Variants in HTRA3 observed in about 807,000 individuals in gnomAD.
The protein encoded by HTRA3 is serine protease HTRA3.
A neutral mutation model predicts 43.2 loss-of-function variants in HTRA3; 41 were observed. The ratio of observed to expected loss-of-function variants is 0.95; its 90% CI spans 0.74 to 1.23. The LOEUF (loss-of-function observed/expected upper bound fraction) is 1.23, where lower values mean the gene tolerates loss of function less well. Among genes scored for constraint, HTRA3 ranks in the 50% most tolerant of loss-of-function variants. The probability of loss-of-function intolerance (pLI) is 0.00; values close to 1 mark genes in which losing one functional copy is unlikely to be tolerated. For synonymous variants in HTRA3, 295 were observed against 287.9 expected, an observed-to-expected ratio of 1.02 and a Z score of -0.25; for missense variants, 628 against 647.1, an observed-to-expected ratio of 0.97 and a Z score of 0.32.
chr4:8,286,622 G>T lies in HTRA3; in HGVS notation c.547G>T (p.Ala183Ser). Residue 183 changes from alanine (A) to serine (S), a missense_variant, in exon 3 of 9, where the codon GCC (alanine) becomes TCC (serine). By Grantham distance (99) the Ala-to-Ser change is moderately conservative (BLOSUM62 1). Transcript: ENST00000307358. This position sits in a 1 kb window ranked among gnomAD's most constrained non-coding sequence, Gnocchi z 4.9. The part of the protein sequence containing the change: ...SSGSGFIMSE[A>S]GLIITNAHVV... The stretch of plus-strand genomic sequence containing the variant: ...CGGTTCTGGCTTCATCATGTCAGAG[G>T]CCGGCCTGATCATCACCAATGCCCA... 1 of 1,614,202 alleles carries T rather than the reference G, an allele frequency of 6.2e-7. No homozygotes were observed. Among genetic ancestry groups the T allele is most frequent in the South Asian group, 1.1e-5 (1 of 91,084 alleles).
chr4:8,304,281 T>G lies in HTRA3; in HGVS notation c.1196+2T>G. On this transcript the variant is annotated splice_donor_variant, in intron 8 of 8. Coordinates refer to ENST00000307358, the MANE Select transcript of HTRA3 (RefSeq NM_053044.5). LOFTEE classifies it high-confidence loss of function. ...TGCGCCGAATTCACCTTCTCAGAGG[T>G]AGGCTCTGCCAGAGGAGATCGCTCG... is the stretch of plus-strand genomic sequence containing the variant. 1 of 1,613,096 alleles carries G rather than the reference T, an allele frequency of 6.2e-7. No homozygotes were observed. Among genetic ancestry groups the G allele is most frequent in the Non-Finnish European group, 8.5e-7 (1 of 1,179,118 alleles).
In HTRA3 at chr4:8,280,397, A is replaced by C. The variant is rs188505642; in HGVS notation, c.386-2040A>C. On this transcript the variant is annotated intron_variant, in intron 1 of 8. Coordinates refer to ENST00000307358, the MANE Select transcript of HTRA3 (RefSeq NM_053044.5). ...CTGAGCGCATCTTGTGAGAGCTCTG[A>C]ACCAGCTCCAAACCTCACCAGGGAA... is the stretch of plus-strand genomic sequence containing the variant. Among the ~76,000 whole-genome samples the C allele has an allele frequency of 2.7e-3, 405 of 152,268 alleles. 2 individuals are homozygous for C. The highest frequency in any genetic ancestry group is 9.4e-3 in the African/African-American group (390 of 41,558).
In HTRA3 at chr4:8,282,427, G is replaced by C; in HGVS notation, c.386-10G>C. The C allele has an allele frequency of 6.2e-7, 1 of 1,608,726 alleles. No homozygotes were observed. The highest frequency in any genetic ancestry group is 8.5e-7 in the Non-Finnish European group (1 of 1,177,030). ...CTCACTGATGCACCTGGCCCTTCCC[G>C]CCAGCGCAGGTCTCCACCAGCTGAG... On this transcript the variant is annotated splice_polypyrimidine_tract_variant and intron_variant, in intron 1 of 8. Transcript: ENST00000307358.
intron 6 of HTRA3, among the ~76,000 whole-genome samples, 177 bp from the exon 7 acceptor site, chr4:8,302,286 G>A (rs1713680790): frequency 6.6e-6 from 1 of 152,132 alleles, no homozygotes; most frequent in Non-Finnish European, 1.5e-5. Context: ...GCTCCATGAT[G>A]ATGGTCAGGA....
At chr4:8,285,517 C>G (rs1712921209) in intron 2 of HTRA3, among the ~76,000 whole-genome samples, 1 of 152,350 alleles carries the variant, frequency 6.6e-6, no homozygotes, top group East Asian at 1.9e-4. Context: ...CATACTTTGT[C>G]CCTCGCACAT....
At chr4:8,283,895 C>T (rs1294751904) in intron 2 of HTRA3, among the ~76,000 whole-genome samples, 3 of 152,164 alleles carry the variant, frequency 2.0e-5, no homozygotes, top group Non-Finnish European at 2.9e-5. Flanking sequence ...GCTCCAGCAC[C>T]GCCTCCCTGC....
chr4:8,277,911 A>G (rs1322257344), intron 1 of HTRA3, among the ~76,000 whole-genome samples: 1 of 152,206 alleles, frequency 6.6e-6, no homozygotes, highest in Non-Finnish European at 1.5e-5. Context: ...AAGAAGGGGC[A>G]GGGACCTTAG....
intron 2 of HTRA3, among the ~76,000 whole-genome samples, chr4:8,282,762 G>A (rs1578793790): frequency 6.6e-6 from 1 of 152,362 alleles, no homozygotes; most frequent in East Asian, 1.9e-4. Flanking sequence ...GCACCAAGAA[G>A]GTGCACAGCT....
chr4:8,297,493 A>T lies in HTRA3; in HGVS notation c.1051+3292A>T, dbSNP rs1022885712. Among the ~76,000 whole-genome samples, 1 of 151,842 alleles carries T rather than the reference A, an allele frequency of 6.6e-6. No individual in the cohort carries two copies. Among genetic ancestry groups the T allele is most frequent in the African/African-American group, 2.4e-5 (1 of 41,338 alleles). ...TCTAGCAGGGAGACGGGCCACAAAA[A>T]CGCCCCCAGATGCCACAGATCAAAG... On this transcript the variant is annotated intron_variant, in intron 6 of 8. Coordinates refer to ENST00000307358, the MANE Select transcript of HTRA3 (RefSeq NM_053044.5). The surrounding 1 kb of genome is among the most constrained non-coding windows in gnomAD (Gnocchi z 5.8).
At position 8,286,384 on chromosome 4, in the gene HTRA3, C is replaced by T. The variant is rs555271356; in HGVS notation, c.486-177C>T. Among the ~76,000 whole-genome samples the T allele has an allele frequency of 7.2e-5, 11 of 152,204 alleles. No homozygotes were observed. Among genetic ancestry groups the T allele is most frequent in the African/African-American group, 9.6e-5 (4 of 41,508 alleles). On this transcript the variant is annotated intron_variant, in intron 2 of 8. Transcript: ENST00000307358. The surrounding 1 kb of genome is among the most constrained non-coding windows in gnomAD (Gnocchi z 4.9). ...TATGGCTGTGAATGGGTGCAGGCGC[C>T]GGTGACTTGGCCAGGTCACAGGGCC...
In HTRA3 at chr4:8,270,168, A is replaced by G; in HGVS notation, c.200A>G (p.Asp67Gly). Residue 67 changes from aspartate to glycine, a missense_variant, in exon 1 of 9, where the codon GAC becomes GGC. Transcript: ENST00000307358. Reference sequence around the variant, plus strand: ...GGCGAGCCCTGTGGCGGCCCTCTGGACTCGCCTTGCGGCGAGAGCCTGGAG... The same window carrying G: ...GGCGAGCCCTGTGGCGGCCCTCTGGGCTCGCCTTGCGGCGAGAGCCTGGAG... ...SEGEPCGGPLDSPCGESLECV... is the reference protein window; with the variant it reads ...SEGEPCGGPLGSPCGESLECV... 1 of 1,539,242 alleles carries G rather than the reference A, an allele frequency of 6.5e-7. No individual in the cohort carries two copies. Among genetic ancestry groups the G allele is most frequent in the Middle Eastern group, 2.1e-4 (1 of 4,696 alleles).
chr4:8,269,977 G>C lies in HTRA3; in HGVS notation c.9G>C (p.Ala3=). 4 of 1,203,776 alleles carry C rather than the reference G, an allele frequency of 3.3e-6. No homozygotes were observed. The highest frequency in any genetic ancestry group is 4.1e-6 in the Non-Finnish European group (4 of 972,168). The allele number at this position is 1,203,776 out of a possible 1,614,324, so 74.6% of individuals were successfully genotyped here. The change falls in exon 1 of 9, where the codon GCG becomes GCC. Residue 3 remains alanine, a synonymous_variant. Coordinates refer to ENST00000307358, the MANE Select transcript of HTRA3 (RefSeq NM_053044.5). MQ[A]RALLLAALAA... ...CCGCCGGCCCTGCCGCCATGCAGGC[G>C]CGAGCGCTGCTCCTGGCCGCGTTGG... is the stretch of plus-strand genomic sequence containing the variant.
chr4:8,285,527 T>C (rs1002686522), intron 2 of HTRA3, among the ~76,000 whole-genome samples: 3 of 152,216 alleles, frequency 2.0e-5, no homozygotes, highest in East Asian at 1.9e-4. Flanking sequence ...CCCTCGCACA[T>C]TTTCCTTGCT....
chr4:8,278,390 G>GAAAAA (rs137976560), intron 1 of HTRA3, among the ~76,000 whole-genome samples: 2 of 125,878 alleles, frequency 1.6e-5, no homozygotes. Flanking sequence ...GTTTATTGAG[G>GAAAAA]AAAAAAAAAA....
Position 8,302,522 on chromosome 4 carries a change from G to C in HTRA3, c.1100+11G>C. The C allele has an allele frequency of 6.2e-7, 1 of 1,613,342 alleles. No individual in the cohort carries two copies. Among genetic ancestry groups the C allele is most frequent in the Non-Finnish European group, 8.5e-7 (1 of 1,179,364 alleles). ...GACGATCACACCAAGGTGAGTGTCTGAAGAGTGCCATCCCCTGCTACCCCT... is the reference window on the plus strand; with the variant it reads ...GACGATCACACCAAGGTGAGTGTCTCAAGAGTGCCATCCCCTGCTACCCCT... On this transcript the variant is annotated intron_variant, in intron 7 of 8. Coordinates refer to ENST00000307358, the MANE Select transcript of HTRA3 (RefSeq NM_053044.5).
intron 6 of HTRA3, 112 bp from the exon 7 acceptor site, chr4:8,302,351 C>T: frequency 1.0e-6 from 1 of 965,752 alleles, no homozygotes; most frequent in South Asian, 1.3e-5. Flanking sequence ...CAGAATGACA[C>T]CTGCTGCTTC....
intron 6 of HTRA3, among the ~76,000 whole-genome samples, chr4:8,300,379 A>T (rs1050637403): frequency 6.6e-6 from 1 of 152,034 alleles, no homozygotes; most frequent in African/African-American, 2.4e-5. Context: ...TTTTTTTTGT[A>T]GGAAGATTTT....
Position 8,286,619 on chromosome 4 carries a change from G to C in HTRA3, c.544G>C (p.Glu182Gln). 1.2e-6 allele frequency: 2 copies of C among 1,614,218 alleles called. No individual in the cohort carries two copies. Among genetic ancestry groups the C allele is most frequent in the South Asian group, 2.2e-5 (2 of 91,090 alleles). Residue 182 changes from glutamate (E) to glutamine (Q), a missense_variant, in exon 3 of 9, where the codon GAG becomes CAG. Physicochemically the swap from Glu to Gln is conservative, Grantham distance 29. Transcript: ENST00000307358. The surrounding 1 kb of genome is among the most constrained non-coding windows in gnomAD (Gnocchi z 4.9). ...CAGCGGTTCTGGCTTCATCATGTCA[G>C]AGGCCGGCCTGATCATCACCAATGC... is the stretch of plus-strand genomic sequence containing the variant. ...LSSGSGFIMS[E>Q]AGLIITNAHV...
intron 1 of HTRA3, among the ~76,000 whole-genome samples, chr4:8,272,883 C>T (rs75549883): frequency 4.6e-5 from 7 of 152,282 alleles, no homozygotes; most frequent in South Asian, 2.1e-4. Flanking sequence ...TCCAGGGCGC[C>T]GTTCACACTG....
Sources: allele counts gnomAD v4.1 joint callset (sites outside exome capture counted in the v4.1 genomes callset), GRCh38; gene constraint gnomAD v4.1.1; non-coding constraint Gnocchi (gnomAD v3.1); transcripts MANE v1.5; gene names NCBI Gene and HGNC (gene_info 2026-07-23, HGNC 2026-07-21).